The following CNTN5 variants were observed in gnomAD, a reference collection of about 807,000 sequenced individuals.
CNTN5 encodes the protein contactin 5.
CNTN5 carries 77 observed loss-of-function variants against 129.1 expected under a neutral mutation model. The ratio of observed to expected loss-of-function variants is 0.60; its 90% CI spans 0.50 to 0.72. CNTN5 has a LOEUF of 0.72. Among genes scored for constraint, CNTN5 ranks in the 30% least tolerant of loss-of-function variants. The probability of loss-of-function intolerance (pLI) is 0.00; values close to 1 mark genes in which losing one functional copy is unlikely to be tolerated. For missense variants in CNTN5, 1,478 were observed against 1,328.8 expected, an observed-to-expected ratio of 1.11 and a Z score of -1.75; for synonymous variants, 509 against 465.6, an observed-to-expected ratio of 1.09 and a Z score of -1.20.
chr11:100,150,500 C>T (rs12292578), intron 13 of CNTN5, among the ~76,000 whole-genome samples: 5,535 of 149,246 alleles, frequency 0.037, 314 homozygotes, highest in African/African-American at 0.13. Flanking sequence ...ATAGGTCCAC[C>T]GATATTATAA....
intron 1 of CNTN5, among the ~76,000 whole-genome samples, chr11:99,274,190 A>G (rs991478743): frequency 2.6e-5 from 4 of 151,670 alleles, no homozygotes; most frequent in Non-Finnish European, 5.9e-5. Flanking sequence ...CTGGGGCTTA[A>G]TAGTTTAGGA....
At chr11:99,542,411 C>T (rs1948148569) in intron 2 of CNTN5, among the ~76,000 whole-genome samples, 1 of 152,170 alleles carries the variant, frequency 6.6e-6, no homozygotes, top group African/African-American at 2.4e-5. Flanking sequence ...TGAATGAGAA[C>T]ATATGGTATC....
chr11:99,687,095 A>G (rs368844162), intron 3 of CNTN5, among the ~76,000 whole-genome samples: 4 of 152,172 alleles, frequency 2.6e-5, no homozygotes, highest in African/African-American at 7.2e-5. Flanking sequence ...CCTCATAGTT[A>G]TTTATACAAG....
intron 10 of CNTN5, among the ~76,000 whole-genome samples, chr11:100,065,629 A>G (rs1417449449): frequency 6.6e-6 from 1 of 151,966 alleles, no homozygotes. Flanking sequence ...TAGAACCAGA[A>G]TCCAACTGAA....
intron 1 of CNTN5, among the ~76,000 whole-genome samples, chr11:99,065,735 CATTAGAGTTG>C (rs148122877): frequency 0.035 from 5,257 of 149,906 alleles, 192 homozygotes; most frequent in African/African-American, 0.086. Flanking sequence ...ACAGAGGCCT[CATTAGAGTTG>C]ATTCATGCTT....
intron 2 of CNTN5, among the ~76,000 whole-genome samples, chr11:99,542,415 T>A (rs886318403): frequency 1.3e-5 from 2 of 152,198 alleles, no homozygotes; most frequent in Non-Finnish European, 2.9e-5. Context: ...TGAGAACATA[T>A]GGTATCTGTC....
chr11:99,847,952 C>T (rs1276962316), intron 6 of CNTN5, among the ~76,000 whole-genome samples: 1 of 152,184 alleles, frequency 6.6e-6, no homozygotes, highest in Non-Finnish European at 1.5e-5. Flanking sequence ...GTGGCTCACG[C>T]CCATAACCCC....
intron 2 of CNTN5, among the ~76,000 whole-genome samples, chr11:99,343,058 A>T (rs908652870): frequency 6.6e-6 from 1 of 152,194 alleles, no homozygotes; most frequent in Non-Finnish European, 1.5e-5. Context: ...TGAAGCTTGG[A>T]TCCAGAATAG....
At chr11:99,097,943 A>G (rs973711499) in intron 1 of CNTN5, among the ~76,000 whole-genome samples, 1 of 152,026 alleles carries the variant, frequency 6.6e-6, no homozygotes, top group African/African-American at 2.4e-5. Flanking sequence ...TTAAACTAAA[A>G]ACAATTAGGT....
At chr11:99,541,613 G>A (rs1841803579) in intron 2 of CNTN5, among the ~76,000 whole-genome samples, 1 of 152,130 alleles carries the variant, frequency 6.6e-6, no homozygotes, top group Non-Finnish European at 1.5e-5. Flanking sequence ...GTTTTGATGT[G>A]ATGAATTCTG....
At chr11:99,134,545 AG>A (rs1859120758) in intron 1 of CNTN5, among the ~76,000 whole-genome samples, 1 of 152,220 alleles carries the variant, frequency 6.6e-6, no homozygotes, top group Non-Finnish European at 1.5e-5. Context: ...GTATAAACAT[AG>A]GTTGCTTTAA....
intron 1 of CNTN5, among the ~76,000 whole-genome samples, chr11:99,141,855 A>G (rs1200935654): frequency 6.6e-6 from 1 of 152,098 alleles, no homozygotes; most frequent in Non-Finnish European, 1.5e-5. Flanking sequence ...TGTGGTCCAA[A>G]TGTGTAGTTG....
intron 3 of CNTN5, among the ~76,000 whole-genome samples, chr11:99,673,150 T>C (rs1229148842): frequency 6.6e-6 from 1 of 152,144 alleles, no homozygotes; most frequent in African/African-American, 2.4e-5. Context: ...CCCAACTCAA[T>C]ACCATGCTAT....
intron 2 of CNTN5, among the ~76,000 whole-genome samples, chr11:99,537,981 T>C (rs1383190748): frequency 6.6e-6 from 1 of 152,178 alleles, no homozygotes; most frequent in African/African-American, 2.4e-5. Flanking sequence ...GGAACTGCCC[T>C]TAGAGACTCT....
intron 18 of CNTN5, among the ~76,000 whole-genome samples, chr11:100,290,264 T>C (rs1250462796): frequency 1.3e-5 from 2 of 152,112 alleles, no homozygotes; most frequent in East Asian, 3.9e-4. Context: ...TACTTTCAAG[T>C]TCATATGGAA....
intron 3 of CNTN5, among the ~76,000 whole-genome samples, chr11:99,755,263 T>C (rs1944369242): frequency 1.3e-5 from 2 of 152,214 alleles, no homozygotes; most frequent in South Asian, 2.1e-4. Context: ...TGTTGAATTG[T>C]ATGGTAAGAG....
chr11:99,366,064 C>T (rs1939426077), intron 2 of CNTN5, among the ~76,000 whole-genome samples: 1 of 152,172 alleles, frequency 6.6e-6, no homozygotes, highest in African/African-American at 2.4e-5. Context: ...CATCCATCCT[C>T]ATCACTAACA....
At chr11:100,030,187 C>T (rs1483504158) in intron 9 of CNTN5, among the ~76,000 whole-genome samples, 2 of 147,472 alleles carry the variant, frequency 1.4e-5, no homozygotes, top group African/African-American at 2.5e-5. Flanking sequence ...CCATCCTGGG[C>T]AATATAGAAA....
At chr11:99,220,812 G>A (rs909148339) in intron 1 of CNTN5, among the ~76,000 whole-genome samples, 14 of 151,618 alleles carry the variant, frequency 9.2e-5, no homozygotes, top group African/African-American at 1.5e-4. Context: ...TCAACCTGAC[G>A]CAATACAAAA....
Sources: allele counts gnomAD v4.1 joint callset (sites outside exome capture counted in the v4.1 genomes callset), GRCh38; gene constraint gnomAD v4.1.1; transcripts MANE v1.5; gene names NCBI Gene and HGNC (gene_info 2026-07-23, HGNC 2026-07-21).